TMEM108: variants seen among roughly 807,000 people sequenced by gnomAD.
TMEM108 encodes the protein cancer/testis antigen 124.
Under a neutral mutation model 35.1 loss-of-function variants are expected in TMEM108, and 12 were observed. The ratio of observed to expected loss-of-function variants is 0.34; its 90% CI spans 0.22 to 0.55. The LOEUF (loss-of-function observed/expected upper bound fraction) is 0.55, where lower values mean the gene tolerates loss of function less well. Among genes scored for constraint, TMEM108 ranks in the 20% least tolerant of loss-of-function variants. The pLI is 0.89. For synonymous variants in TMEM108, 287 were observed against 308.6 expected, an observed-to-expected ratio of 0.93 and a Z score of 0.73; for missense variants, 680 against 753.3, an observed-to-expected ratio of 0.90 and a Z score of 1.14.
At chr3:133,285,725 C>T (rs1361937847) in intron 3 of TMEM108, among the ~76,000 whole-genome samples, 1 of 152,164 alleles carries the variant, frequency 6.6e-6, no homozygotes, top group African/African-American at 2.4e-5. Flanking sequence ...TTTTATGAGT[C>T]ACTTTAGTCC....
chr3:133,361,675 T>TG (rs1207378551), intron 3 of TMEM108, among the ~76,000 whole-genome samples: 1 of 152,148 alleles, frequency 6.6e-6, no homozygotes, highest in East Asian at 1.9e-4. Flanking sequence ...CTTGGACAGC[T>TG]GGGACTCCTA....
intron 2 of TMEM108, among the ~76,000 whole-genome samples, chr3:133,090,290 C>A (rs1943932521): frequency 6.6e-6 from 1 of 152,204 alleles, no homozygotes; most frequent in Non-Finnish European, 1.5e-5. Context: ...CATCAGGGAG[C>A]ATTTCTTGAA....
At chr3:133,203,641 A>C (rs1285449066) in intron 2 of TMEM108, among the ~76,000 whole-genome samples, 5 of 152,204 alleles carry the variant, frequency 3.3e-5, no homozygotes, top group Non-Finnish European at 7.3e-5. Flanking sequence ...CCCCGGGATG[A>C]AGCCGACTTG....
chr3:133,344,208 A>G (rs1450352115), intron 3 of TMEM108, among the ~76,000 whole-genome samples: 2 of 151,980 alleles, frequency 1.3e-5, no homozygotes, highest in Non-Finnish European at 2.9e-5. Context: ...AAAAACTAGG[A>G]TTAGAAATTT....
At chr3:133,078,090 G>A (rs1173362443) in intron 2 of TMEM108, among the ~76,000 whole-genome samples, 7 of 150,826 alleles carry the variant, frequency 4.6e-5, no homozygotes, top group Non-Finnish European at 7.4e-5. Flanking sequence ...ATGGGGCAAG[G>A]CTGTCTCACC....
chr3:133,176,386 A>T (rs1945229007), intron 2 of TMEM108, among the ~76,000 whole-genome samples: 1 of 152,220 alleles, frequency 6.6e-6, no homozygotes, highest in Non-Finnish European at 1.5e-5. Flanking sequence ...TCAGCACCAC[A>T]TCGCTCTTAT....
intron 2 of TMEM108, among the ~76,000 whole-genome samples, chr3:133,109,685 A>G (rs1267965884): frequency 6.6e-6 from 1 of 152,194 alleles, no homozygotes; most frequent in Non-Finnish European, 1.5e-5. Context: ...TTTAATTTCT[A>G]AGACTCATAA....
At chr3:133,207,148 C>G (rs568085193) in intron 2 of TMEM108, among the ~76,000 whole-genome samples, 3 of 152,076 alleles carry the variant, frequency 2.0e-5, no homozygotes, top group South Asian at 2.1e-4. Flanking sequence ...CCTGGTGTTG[C>G]GAAGACCATG....
chr3:133,250,326 A>G (rs1214712917), intron 3 of TMEM108, among the ~76,000 whole-genome samples: 1 of 152,184 alleles, frequency 6.6e-6, no homozygotes, highest in Non-Finnish European at 1.5e-5. Flanking sequence ...ATGAAGACCT[A>G]TATGATCATC....
intron 3 of TMEM108, among the ~76,000 whole-genome samples, chr3:133,298,645 A>G (rs1947177802): frequency 6.6e-6 from 1 of 152,136 alleles, no homozygotes; most frequent in Non-Finnish European, 1.5e-5. Flanking sequence ...GTTCATTCTC[A>G]TAATATTTAT....
intron 3 of TMEM108, among the ~76,000 whole-genome samples, chr3:133,334,027 A>C (rs1214483128): frequency 6.6e-6 from 1 of 152,154 alleles, no homozygotes; most frequent in Non-Finnish European, 1.5e-5. Flanking sequence ...TAGAATATTA[A>C]CTTTAGAGGT....
Position 133,270,794 on chromosome 3 carries a change from T to TACACAC in TMEM108, c.40+41464_40+41469dup, listed in dbSNP as rs71624011. On this transcript the variant is annotated intron_variant, in intron 3 of 5. Coordinates refer to ENST00000321871, the MANE Select transcript of TMEM108 (RefSeq NM_023943.4). ...TATAAGACTGCCTGTTCGAAGAATG[T>TACACAC]ACACACACACACACACACACACACA... 5.8e-4 allele frequency among the ~76,000 whole-genome samples: 86 copies of TACACAC among 148,680 alleles called. 1 individual carries two copies. Among genetic ancestry groups the TACACAC allele is most frequent in the African/African-American group, 1.7e-3 (69 of 40,112 alleles).
chr3:133,315,419 ACCTGGGTCTGTGGAAGGAGG>A (rs1223351017), intron 3 of TMEM108, among the ~76,000 whole-genome samples: 1 of 152,180 alleles, frequency 6.6e-6, no homozygotes, highest in Admixed American at 6.5e-5. Context: ...TGAGGACCAC[ACCTGGGTCTGTGGAAGGAGG>A]CCTGGACCAG....
intron 2 of TMEM108, among the ~76,000 whole-genome samples, chr3:133,091,722 C>G (rs1051299959): frequency 6.6e-6 from 1 of 152,176 alleles, no homozygotes; most frequent in African/African-American, 2.4e-5. Flanking sequence ...TAGGCAAAAC[C>G]TAATCAAACG....
chr3:133,075,877 A>G (rs7644321), intron 2 of TMEM108, among the ~76,000 whole-genome samples: 5,945 of 152,216 alleles, frequency 0.039, 387 homozygotes, highest in African/African-American at 0.14. Flanking sequence ...AAGGGTGAGG[A>G]CAAAGACAGG....
At chr3:133,230,710 A>G (rs1946140054) in intron 3 of TMEM108, among the ~76,000 whole-genome samples, 1 of 152,206 alleles carries the variant, frequency 6.6e-6, no homozygotes, top group South Asian at 2.1e-4. Flanking sequence ...TGGAACAGCA[A>G]AATGTTTGTT....
At chr3:133,387,484 C>T (rs1402638381) in intron 4 of TMEM108, 53 of 985,302 alleles carry the variant, frequency 5.4e-5, no homozygotes, top group East Asian at 2.3e-4. Context: ...CAGGCCTTCC[C>T]GCAGGGCAGG....
intron 2 of TMEM108, among the ~76,000 whole-genome samples, chr3:133,138,496 T>A (rs1944596197): frequency 6.6e-6 from 1 of 152,136 alleles, no homozygotes; most frequent in Non-Finnish European, 1.5e-5. Context: ...TATGAGATTT[T>A]TTTGTGTGTG....
chr3:133,393,059 C>T (rs9853752), intron 5 of TMEM108, among the ~76,000 whole-genome samples: 84,525 of 151,480 alleles, frequency 0.56, 23,922 homozygotes, highest in African/African-American at 0.67. Context: ...CCCCACCACA[C>T]TTCCCATTGA....
Sources: gnomAD v4.1 joint callset for allele counts (sites outside exome capture counted in the v4.1 genomes callset) on GRCh38, gnomAD v4.1.1 for gene constraint, MANE v1.5 for transcripts, NCBI Gene and HGNC (gene_info 2026-07-23, HGNC 2026-07-21) for gene names.